SYNE2: variants seen among roughly 807,000 people sequenced by gnomAD.
SYNE2 encodes spectrin repeat containing nuclear envelope protein 2.
A neutral mutation model predicts 856.3 loss-of-function variants in SYNE2; 431 were observed. The ratio of observed to expected loss-of-function variants is 0.50; its 90% CI spans 0.47 to 0.55. SYNE2 has a LOEUF of 0.55. Ranked by LOEUF, SYNE2 falls within the 20% of genes least tolerant of loss-of-function variation. The pLI is 0.00. For synonymous variants in SYNE2, 2,923 were observed against 2,872.3 expected, an observed-to-expected ratio of 1.02 and a Z score of -0.56; for missense variants, 8,129 against 8,023.2, an observed-to-expected ratio of 1.01 and a Z score of -0.50.
At chr14:64,156,292 C>T (rs1362610660) in intron 85 of SYNE2, among the ~76,000 whole-genome samples, 1 of 152,152 alleles carries the variant, frequency 6.6e-6, no homozygotes, top group Non-Finnish European at 1.5e-5. Context: ...GCAACATGAG[C>T]CATGGCAGTT....
chr14:64,153,265 C>T (rs1206156042), intron 85 of SYNE2, among the ~76,000 whole-genome samples: 1 of 152,186 alleles, frequency 6.6e-6, no homozygotes, highest in Non-Finnish European at 1.5e-5. Context: ...CAGCATTTTA[C>T]CCCTTCCAGG....
At position 64,055,963 on chromosome 14, in the gene SYNE2, A is replaced by T. The variant is rs745734657; in HGVS notation, c.9764A>T (p.Tyr3255Phe). The T allele has an allele frequency of 1.7e-5, 28 of 1,613,756 alleles. No homozygotes were observed. The Admixed American group carries it at 4.7e-4, about 27-fold the overall frequency. The stretch of plus-strand genomic sequence containing the variant: ...CACTAGAATGTCTTGAATGATGCTT[A>T]TGAAAATCTAACACGCTATAAAGAA... Reference protein sequence around the residue: ...DLRTNVLNDAYENLTRYKEAV... With the variant: ...DLRTNVLNDAFENLTRYKEAV... The change falls in exon 49 of 116, where the codon TAT becomes TTT. Residue 3255 changes from tyrosine (Y) to phenylalanine (F), a missense_variant. By Grantham distance (22) the Tyr-to-Phe change is conservative (BLOSUM62 3). This residue lies in a region of SYNE2 where 5,410 missense variants were observed against 5,284.8 expected (regional missense o/e 1.02). Transcript: ENST00000555002.
intron 61 of SYNE2, 78 bp from the exon 62 acceptor site, chr14:64,097,871 T>C (rs2097690043): frequency 1.8e-5 from 26 of 1,435,216 alleles, no homozygotes; most frequent in Non-Finnish European, 2.5e-5. Flanking sequence ...TCAGCCCTTG[T>C]ACCAAAGGAA....
intron 64 of SYNE2, among the ~76,000 whole-genome samples, chr14:64,105,401 A>G (rs886248556): frequency 6.6e-6 from 1 of 152,220 alleles, no homozygotes; most frequent in Non-Finnish European, 1.5e-5. Context: ...CCTTTCTGAT[A>G]ACAGTCACTG....
At chr14:63,850,324 G>T (rs978110788), upstream of SYNE2, among the ~76,000 whole-genome samples, 8 of 150,048 alleles carry the variant, frequency 5.3e-5, no homozygotes, top group Non-Finnish European at 1.0e-4. Flanking sequence ...CTGACCTCAG[G>T]TGATCCACCT....
intron 2 of SYNE2, among the ~76,000 whole-genome samples, chr14:63,927,860 C>A (rs886517285): frequency 6.6e-6 from 1 of 151,980 alleles, no homozygotes; most frequent in Non-Finnish European, 1.5e-5. Context: ...CCACTGCACT[C>A]CAGCCTGGGC....
intron 63 of SYNE2, among the ~76,000 whole-genome samples, 191 bp from the exon 64 acceptor site, chr14:64,101,741 G>A (rs1337249924): frequency 6.6e-6 from 1 of 152,182 alleles, no homozygotes; most frequent in Non-Finnish European, 1.5e-5. Flanking sequence ...AGGAAGAGCA[G>A]CCACATTTGT....
In SYNE2 at chr14:64,190,802, AGCTATATTG is replaced by A. The variant is rs2098514696; in HGVS notation, c.18038+568_18038+576del. 4 of 664,808 alleles carry A rather than the reference AGCTATATTG, an allele frequency of 6.0e-6. No homozygotes were observed. In the South Asian group the frequency reaches 6.5e-5, roughly 11 times the overall value. The allele number at this position is 664,808 out of a possible 1,614,324, so 41.2% of individuals were successfully genotyped here. Reference sequence around the variant, plus strand: ...CCTAAATCAAAGGACCACAAATCAAAGCTATATTGGCCAGTGCAATCTTATCAGAAATAG... The same window carrying A: ...CCTAAATCAAAGGACCACAAATCAAAGCCAGTGCAATCTTATCAGAAATAG... On this transcript the variant is annotated intron_variant, in intron 99 of 115. Transcript: ENST00000555002.
intron 1 of SYNE2, among the ~76,000 whole-genome samples, chr14:63,861,327 T>C (rs1307383594): frequency 6.6e-6 from 1 of 151,858 alleles, no homozygotes; most frequent in East Asian, 1.9e-4. Flanking sequence ...GTATTTTTAG[T>C]AGAGACGGGG....
chr14:64,119,791 T>A (rs2097884157), intron 67 of SYNE2, among the ~76,000 whole-genome samples, 182 bp downstream of exon 67: 1 of 152,226 alleles, frequency 6.6e-6, no homozygotes, highest in Admixed American at 6.5e-5. Flanking sequence ...CATTCTACTT[T>A]GCAGTTTTCC....
At chr14:63,797,989 G>A (rs777733254) in intron 1 of SYNE2, among the ~76,000 whole-genome samples, 5 of 152,218 alleles carry the variant, frequency 3.3e-5, no homozygotes, top group Non-Finnish European at 7.3e-5. Context: ...AACTTATTCA[G>A]TGGCTAGATA....
chr14:64,173,990 G>A, intron 94 of SYNE2: 1 of 667,846 alleles, frequency 1.5e-6, no homozygotes, highest in East Asian at 2.8e-5. Flanking sequence ...GCCCTGCTCT[G>A]CAGGAGCAGT....
intron 1 of SYNE2, among the ~76,000 whole-genome samples, chr14:63,893,825 T>C (rs776093707): frequency 2.8e-4 from 42 of 152,154 alleles, no homozygotes; most frequent in Admixed American, 1.2e-3. Context: ...AGCTAAACAT[T>C]CAGGATGTAC....
Position 64,103,997 on chromosome 14 carries a change from G to A in SYNE2, c.12492+1955G>A, listed in dbSNP as rs113916287. On this transcript the variant is annotated intron_variant, in intron 64 of 115. Transcript: ENST00000555002. ...ACATTTTTATGAATACACCTGATAC[G>A]ATTTCATGAGTGGAAAGAAGCTTAT... Among the ~76,000 whole-genome samples the A allele has an allele frequency of 2.2e-4, 34 of 152,264 alleles. 1 individual carries two copies. The highest frequency in any genetic ancestry group is 8.2e-4 in the African/African-American group (34 of 41,542).
At chr14:64,017,831 C>T in intron 34 of SYNE2, 75 bp downstream of exon 34, 1 of 1,438,502 alleles carries the variant, frequency 7.0e-7, no homozygotes, top group Non-Finnish European at 9.7e-7. Flanking sequence ...ATATAGTCAA[C>T]AAACATTAGG....
At chr14:63,906,197 T>G (rs1355522339) in intron 1 of SYNE2, among the ~76,000 whole-genome samples, 1 of 152,216 alleles carries the variant, frequency 6.6e-6, no homozygotes, top group Non-Finnish European at 1.5e-5. Context: ...GCTGCTGGAT[T>G]CAGTTTGCTA....
upstream of SYNE2, chr14:63,848,250 T>G (rs1890297407): frequency 6.6e-6 from 1 of 152,224 alleles, no homozygotes; most frequent in Admixed American, 6.5e-5. Flanking sequence ...ATGTTATTAT[T>G]TATTTATTTT....
intron 63 of SYNE2, among the ~76,000 whole-genome samples, chr14:64,100,514 CAAAAAAAA>C (rs35489245): frequency 7.2e-4 from 17 of 23,760 alleles, no homozygotes; most frequent in South Asian, 4.8e-3. Context: ...AAAACTGTCT[CAAAAAAAA>C]AAAAAAAAAA....
rs1445766218 is a variant in SYNE2 at position 64,052,634 on chromosome 14, G to T, written c.8721G>T (p.Val2907=). The T allele has an allele frequency of 1.2e-6, 2 of 1,614,052 alleles. No homozygotes were observed. The highest frequency in any genetic ancestry group is 2.2e-5 in the South Asian group (2 of 91,066). Residue 2907 remains valine (V), a synonymous_variant, in exon 48 of 116, where the codon GTG becomes GTT. Coordinates refer to ENST00000555002, the MANE Select transcript of SYNE2 (RefSeq NM_182914.3). Reference sequence around the variant, plus strand: ...CAAACATCTATGAGGAGCTGAATGTGTTTGAAAGATTATTTCTGGAAGATC... The same window carrying T: ...CAAACATCTATGAGGAGCTGAATGTTTTTGAAAGATTATTTCTGGAAGATC... The part of the protein sequence containing the change: ...ELTNIYEELN[V]FERLFLEDQL...
Sources: gnomAD v4.1 joint callset for allele counts (sites outside exome capture counted in the v4.1 genomes callset) on GRCh38, gnomAD v4.1.1 for gene constraint, gnomAD v4.1.1 regional missense constraint, MANE v1.5 for transcripts, NCBI Gene and HGNC (gene_info 2026-07-23, HGNC 2026-07-21) for gene names.